MCM9: variants seen among roughly 807,000 people sequenced by gnomAD.
The protein encoded by MCM9 is minichromosome maintenance 9 homologous recombination repair factor.
A neutral mutation model predicts 72.8 loss-of-function variants in MCM9; 55 were observed. The observed-to-expected ratio is 0.76, with a 90% CI of 0.61 to 0.95. The LOEUF (loss-of-function observed/expected upper bound fraction) is 0.95, where lower values mean the gene tolerates loss of function less well. Among genes scored for constraint, MCM9 ranks in the 40% least tolerant of loss-of-function variants. MCM9 has a pLI of 0.00. For missense variants in MCM9, 1,279 were observed against 1,377.0 expected, an observed-to-expected ratio of 0.93 and a Z score of 1.13; for synonymous variants, 480 against 503.4, an observed-to-expected ratio of 0.95 and a Z score of 0.62.
At position 118,886,315 on chromosome 6, in the gene MCM9, G is replaced by A. The variant is rs868355192; in HGVS notation, c.1150+25335C>T. 3.3e-5 allele frequency among the ~76,000 whole-genome samples: 5 copies of A among 151,936 alleles called. No individual in the cohort carries two copies. The South Asian group carries it at 1.0e-3, about 32-fold the overall frequency. ...CACTATATCTATTCAACATTGTACT[G>A]CAGGTTATAGACAGAGAAATTGGGC... On this transcript the variant is annotated intron_variant, in intron 8 of 13. Coordinates refer to ENST00000619706, the MANE Select transcript of MCM9 (RefSeq NM_017696.3).
intron 8 of MCM9, among the ~76,000 whole-genome samples, chr6:118,903,918 C>T (rs932425336): frequency 2.0e-5 from 3 of 152,086 alleles, no homozygotes; most frequent in African/African-American, 7.2e-5. Context: ...TTTTAAAGAA[C>T]CTGTGTGATT....
At chr6:118,826,344 G>GT in intron 12 of MCM9, 52 bp from the exon 13 acceptor site, 1 of 1,525,042 alleles carries the variant, frequency 6.6e-7, no homozygotes, top group Non-Finnish European at 8.8e-7. Context: ...CTGCATAGCG[G>GT]TAAGTACACT....
intron 9 of MCM9, among the ~76,000 whole-genome samples, chr6:118,842,345 T>A (rs1372357935): frequency 6.6e-6 from 1 of 152,224 alleles, no homozygotes; most frequent in Non-Finnish European, 1.5e-5. Context: ...ACCTTGAAAA[T>A]AATGAAACAT....
chr6:118,896,418 A>G (rs1227012729), intron 8 of MCM9, among the ~76,000 whole-genome samples: 1 of 152,194 alleles, frequency 6.6e-6, no homozygotes, highest in African/African-American at 2.4e-5. Flanking sequence ...TTTAGGAGTC[A>G]GCTCTGAACA....
At chr6:118,883,752 T>A (rs1461790780) in intron 8 of MCM9, among the ~76,000 whole-genome samples, 4 of 151,242 alleles carry the variant, frequency 2.6e-5, no homozygotes, top group Admixed American at 2.0e-4. Context: ...CTTTCAAAAA[T>A]TATGGAAAAA....
chr6:118,908,585 C>T (rs1054183410), intron 8 of MCM9: 1 of 152,070 alleles, frequency 6.6e-6, no homozygotes, highest in Non-Finnish European at 1.5e-5. Flanking sequence ...TACTCTTCCC[C>T]ATTTCCTCTG....
At chr6:118,878,014 T>A (rs995598408) in intron 8 of MCM9, among the ~76,000 whole-genome samples, 1 of 151,932 alleles carries the variant, frequency 6.6e-6, no homozygotes, top group Non-Finnish European at 1.5e-5. Context: ...TTTAAAAAAT[T>A]AGCAAGGCAT....
chr6:118,889,298 G>A (rs1778798578), intron 8 of MCM9, among the ~76,000 whole-genome samples: 1 of 152,120 alleles, frequency 6.6e-6, no homozygotes, highest in African/African-American at 2.4e-5. Context: ...CCATGCATAT[G>A]AGGCCTCCAA....
chr6:118,905,789 A>T (rs1780140475), intron 8 of MCM9: 1 of 1,610,498 alleles, frequency 6.2e-7, no homozygotes, highest in Non-Finnish European at 8.5e-7. Context: ...CTGAGACAGA[A>T]TTAAGGGAAA....
intron 8 of MCM9, among the ~76,000 whole-genome samples, chr6:118,870,913 T>A (rs1459098380): frequency 1.3e-5 from 2 of 151,942 alleles, no homozygotes; most frequent in Non-Finnish European, 2.9e-5. Flanking sequence ...AAAAAATTAT[T>A]GAAAATCTGC....
rs1035884640 is a variant in MCM9 at position 118,934,997 on chromosome 6, C to T, written c.-256G>A. Reference sequence around the variant, plus strand: ...CTCCGGCGCAAGAAGGCTGGTGAGGCGGAGTGCGCGCGTGCACGTGGCCGC... The same window carrying T: ...CTCCGGCGCAAGAAGGCTGGTGAGGTGGAGTGCGCGCGTGCACGTGGCCGC... On this transcript the variant is annotated 5_prime_UTR_variant, in exon 1 of 14. Transcript: ENST00000619706. 14 of 152,180 alleles carry T rather than the reference C, an allele frequency of 9.2e-5. No individual in the cohort carries two copies. The highest frequency in any genetic ancestry group is 1.5e-5 in the Non-Finnish European group (1 of 68,052). 9.4% of individuals were successfully genotyped at this position (152,180 alleles called of 1,614,324 possible). A position where few individuals can be genotyped will look rare whatever the true frequency, so the allele number is the denominator to read the frequency against.
At chr6:118,833,657 T>G (rs1231843079) in intron 9 of MCM9, among the ~76,000 whole-genome samples, 1 of 152,324 alleles carries the variant, frequency 6.6e-6, no homozygotes, top group African/African-American at 2.4e-5. Context: ...AACTATATCA[T>G]GCTAAGTGAA....
chr6:118,927,828 AT>A (rs1782025750), intron 3 of MCM9, among the ~76,000 whole-genome samples: 1 of 152,218 alleles, frequency 6.6e-6, no homozygotes, highest in South Asian at 2.1e-4. Flanking sequence ...TGTAAATAGC[AT>A]CTTAGAATGG....
rs1320042376 is a variant in MCM9 at position 118,913,363 on chromosome 6, T to C, written c.962A>G (p.Lys321Arg). ...CPQVFGMYLV[K>R]LAVAMVLAGG... ...AGCCAGCACCATGGCCACAGCAAGC[T>C]TTACTAGATACATTCCAAACACTTG... The change falls in exon 7 of 14, where the codon AAG becomes AGG. Residue 321 changes from lysine to arginine, a missense_variant. By Grantham distance (26) the Lys-to-Arg change is conservative. Coordinates refer to ENST00000619706, the MANE Select transcript of MCM9 (RefSeq NM_017696.3). The C allele has an allele frequency of 1.9e-6, 3 of 1,614,104 alleles. No individual in the cohort carries two copies. In the East Asian group the frequency reaches 6.7e-5, roughly 36 times the overall value.
intron 13 of MCM9, among the ~76,000 whole-genome samples, chr6:118,820,617 T>A (rs1773733873): frequency 6.6e-6 from 1 of 152,154 alleles, no homozygotes; most frequent in Admixed American, 6.5e-5. Context: ...GGGTAGAGAG[T>A]TCTGTAGATG....
intron 8 of MCM9, among the ~76,000 whole-genome samples, chr6:118,877,564 A>G (rs548661942): frequency 3.1e-4 from 47 of 152,354 alleles, no homozygotes; most frequent in African/African-American, 1.1e-3. Flanking sequence ...CAAGGTTGTG[A>G]GGCAAAGTCA....
intron 3 of MCM9, among the ~76,000 whole-genome samples, chr6:118,930,439 G>A (rs567737438): frequency 2.0e-5 from 3 of 152,276 alleles, no homozygotes; most frequent in Non-Finnish European, 2.9e-5. Flanking sequence ...AAACAAAAGG[G>A]TATGTATGTT....
intron 9 of MCM9, among the ~76,000 whole-genome samples, chr6:118,845,486 T>C (rs1387792785): frequency 6.6e-6 from 1 of 151,808 alleles, no homozygotes; most frequent in African/African-American, 2.4e-5. Context: ...CCAGTGTATT[T>C]TTGCAGTCAC....
intron 8 of MCM9, chr6:118,894,192 AT>A: frequency 7.5e-7 from 1 of 1,334,928 alleles, no homozygotes; most frequent in Non-Finnish European, 9.6e-7. Flanking sequence ...GCTGCTACTT[AT>A]CAGAGCAGAA....
Sources: gnomAD v4.1 joint callset for allele counts (sites outside exome capture counted in the v4.1 genomes callset) on GRCh38, gnomAD v4.1.1 for gene constraint, MANE v1.5 for transcripts, NCBI Gene and HGNC (gene_info 2026-07-23, HGNC 2026-07-21) for gene names.